The following PRKG1 variants were observed in gnomAD, a reference collection of about 807,000 sequenced individuals.
PRKG1 encodes the protein cGMP-dependent protein kinase 1.
In PRKG1, 35 loss-of-function variants were observed where a neutral mutation model predicts 88.1. The observed-to-expected ratio is 0.40, with a 90% CI of 0.30 to 0.53. PRKG1 has a LOEUF of 0.53. Among genes scored for constraint, PRKG1 ranks in the 20% least tolerant of loss-of-function variants. PRKG1 has a pLI of 0.59. For synonymous variants in PRKG1, 303 were observed against 292.5 expected, an observed-to-expected ratio of 1.04 and a Z score of -0.37; for missense variants, 540 against 839.8, an observed-to-expected ratio of 0.64 and a Z score of 4.41.
chr10:52,014,601 C>T (rs144366040), intron 5 of PRKG1, among the ~76,000 whole-genome samples: 1 of 152,282 alleles, frequency 6.6e-6, no homozygotes, highest in Non-Finnish European at 1.5e-5. Context: ...CAACAGTACC[C>T]CAAAGTCTTA....
At chr10:51,204,893 A>G (rs1838007373) in intron 2 of PRKG1, among the ~76,000 whole-genome samples, 1 of 152,100 alleles carries the variant, frequency 6.6e-6, no homozygotes, top group Non-Finnish European at 1.5e-5. Context: ...GTAGCTAAGA[A>G]TATTAGCAAA....
intron 3 of PRKG1, among the ~76,000 whole-genome samples, chr10:51,654,781 G>C (rs541786009): frequency 6.6e-6 from 1 of 152,028 alleles, no homozygotes; most frequent in African/African-American, 2.4e-5. Context: ...CAAATTTTTT[G>C]ATTAATGTTT....
intron 3 of PRKG1, among the ~76,000 whole-genome samples, chr10:51,797,035 C>T (rs1162285324): frequency 6.6e-6 from 1 of 151,816 alleles, no homozygotes; most frequent in Non-Finnish European, 1.5e-5. Context: ...GGTTGAGGAC[C>T]TATTATGAAC....
chr10:52,257,208 A>T (rs1264047622), intron 10 of PRKG1, among the ~76,000 whole-genome samples: 1 of 139,470 alleles, frequency 7.2e-6, no homozygotes, highest in Non-Finnish European at 1.6e-5. Context: ...ATGCTAAGAC[A>T]AGGAGGTGTA....
At chr10:52,074,471 A>C (rs2133292019) in intron 7 of PRKG1, among the ~76,000 whole-genome samples, 1 of 152,324 alleles carries the variant, frequency 6.6e-6, no homozygotes, top group South Asian at 2.1e-4. Context: ...TTGTTACTCT[A>C]CAACATGTCA....
chr10:51,015,716 A>G (rs1264078972), intron 1 of PRKG1, among the ~76,000 whole-genome samples: 3 of 152,170 alleles, frequency 2.0e-5, no homozygotes, highest in African/African-American at 7.2e-5. Flanking sequence ...GTGAAACTCC[A>G]TCTCTACTAA....
chr10:51,399,171 G>A (rs1054069261), intron 2 of PRKG1, among the ~76,000 whole-genome samples: 50 of 151,592 alleles, frequency 3.3e-4, no homozygotes, highest in Non-Finnish European at 1.0e-4. Flanking sequence ...GATATAAGAT[G>A]TGTTATATAT....
At chr10:52,020,948 C>G (rs1264583531) in intron 5 of PRKG1, among the ~76,000 whole-genome samples, 1 of 152,074 alleles carries the variant, frequency 6.6e-6, no homozygotes, top group Admixed American at 6.6e-5. Context: ...CTCCCTGGTG[C>G]CTGCTGCCAA....
chr10:51,351,469 T>A (rs550507425), intron 2 of PRKG1, among the ~76,000 whole-genome samples: 1 of 152,306 alleles, frequency 6.6e-6, no homozygotes, highest in East Asian at 1.9e-4. Flanking sequence ...TGACATGGTA[T>A]CTCATTGTGG....
intron 3 of PRKG1, among the ~76,000 whole-genome samples, chr10:51,542,184 C>G (rs977461231): frequency 1.3e-5 from 2 of 151,554 alleles, no homozygotes; most frequent in Admixed American, 6.6e-5. Context: ...TATGAATTAC[C>G]CCAAACTCTT....
chr10:51,339,746 T>G (rs1841962115), intron 2 of PRKG1, among the ~76,000 whole-genome samples: 1 of 152,010 alleles, frequency 6.6e-6, no homozygotes, highest in South Asian at 2.1e-4. Context: ...ACAGTATCAT[T>G]CCAAAAGCCA....
At chr10:51,846,642 C>T (rs1840406261) in intron 4 of PRKG1, among the ~76,000 whole-genome samples, 1 of 152,120 alleles carries the variant, frequency 6.6e-6, no homozygotes, top group Non-Finnish European at 1.5e-5. Flanking sequence ...AACATGATAG[C>T]TTGTTCTGAA....
chr10:51,988,961 A>T lies in PRKG1; in HGVS notation c.763-65523A>T, dbSNP rs532682793. Among the ~76,000 whole-genome samples the T allele has an allele frequency of 5.3e-5, 8 of 152,138 alleles. No individual in the cohort carries two copies. In the South Asian group the frequency reaches 1.7e-3, roughly 31 times the overall value. On this transcript the variant is annotated intron_variant, in intron 5 of 17. Transcript: ENST00000373980. ...TTAAGAAATACTTCCCTATTCAGAC[A>T]CCATAAAGCTATTTCATGTTTTCTT...
Position 51,596,139 on chromosome 10 carries a change from T to C in PRKG1, c.592+128303T>C, listed in dbSNP as rs142099713. 1.1e-3 allele frequency among the ~76,000 whole-genome samples: 167 copies of C among 152,292 alleles called. 1 individual carries two copies. Among genetic ancestry groups the C allele is most frequent in the African/African-American group, 3.7e-3 (152 of 41,566 alleles). The stretch of plus-strand genomic sequence containing the variant: ...TCACCTCGCCTGGCCCTTATGTGAT[T>C]ATTTAACTGATTTCTGCCCCTTTGC... On this transcript the variant is annotated intron_variant, in intron 3 of 17. Coordinates refer to ENST00000373980, the MANE Select transcript of PRKG1 (RefSeq NM_006258.4).
chr10:51,640,286 G>A (rs1401705090), intron 3 of PRKG1, among the ~76,000 whole-genome samples: 1 of 152,122 alleles, frequency 6.6e-6, no homozygotes, highest in African/African-American at 2.4e-5. Flanking sequence ...CATTAAACCA[G>A]CAGTAGTCCC....
At chr10:51,690,288 C>A (rs569718799) in intron 3 of PRKG1, among the ~76,000 whole-genome samples, 1 of 152,112 alleles carries the variant, frequency 6.6e-6, no homozygotes, top group South Asian at 2.1e-4. Context: ...TCCTCCAACA[C>A]CGGGGATTAT....
At chr10:52,265,807 C>A (rs1399026142) in intron 10 of PRKG1, among the ~76,000 whole-genome samples, 1 of 152,018 alleles carries the variant, frequency 6.6e-6, no homozygotes, top group Non-Finnish European at 1.5e-5. Context: ...TCAAAAATTC[C>A]CACCTTAAGA....
chr10:51,890,634 A>G (rs941392711), intron 4 of PRKG1, among the ~76,000 whole-genome samples: 2 of 152,234 alleles, frequency 1.3e-5, no homozygotes, highest in African/African-American at 4.8e-5. Context: ...TGAAAGATTA[A>G]AAATGATATT....
intron 5 of PRKG1, among the ~76,000 whole-genome samples, chr10:52,019,702 G>A (rs953985923): frequency 6.6e-6 from 1 of 152,192 alleles, no homozygotes; most frequent in African/African-American, 2.4e-5. Context: ...AATAGGAAGA[G>A]CTGTTTTAGC....
Sources: allele counts gnomAD v4.1 joint callset (sites outside exome capture counted in the v4.1 genomes callset), GRCh38; gene constraint gnomAD v4.1.1; transcripts MANE v1.5; gene names NCBI Gene and HGNC (gene_info 2026-07-23, HGNC 2026-07-21).